Variants in PAPOLG observed in about 807,000 individuals in gnomAD.
PAPOLG encodes poly(A) polymerase gamma, also known as PAP-gamma.
A neutral mutation model predicts 99.0 loss-of-function variants in PAPOLG; 40 were observed. The observed-to-expected ratio is 0.40, with a 90% CI of 0.31 to 0.53. The LOEUF (loss-of-function observed/expected upper bound fraction) is 0.53. Among genes scored for constraint, PAPOLG ranks in the 20% least tolerant of loss-of-function variants. The pLI is 0.41. For missense variants in PAPOLG, 675 were observed against 884.1 expected, an observed-to-expected ratio of 0.76 and a Z score of 3.00; for synonymous variants, 310 against 299.3, an observed-to-expected ratio of 1.04 and a Z score of -0.37.
chr2:60,786,914 CATAAG>C, intron 13 of PAPOLG, 28 bp from the exon 14 acceptor site: 1 of 1,590,444 alleles, frequency 6.3e-7, no homozygotes, highest in Non-Finnish European at 8.5e-7. Flanking sequence ...TTAAAGTGGA[CATAAG>C]ATAAATTGTG....
chr2:60,770,503 G>A lies in PAPOLG; in HGVS notation c.484G>A (p.Gly162Ser), dbSNP rs1670818795. The A allele has an allele frequency of 6.4e-7, 1 of 1,572,696 alleles. No homozygotes were observed. The highest frequency in any genetic ancestry group is 8.7e-7 in the Non-Finnish European group (1 of 1,151,720). ...FVPVIKFEFDGIEIDLVFARL... is the reference protein window; with the variant it reads ...FVPVIKFEFDSIEIDLVFARL... ...ACCTGTTATAAAATTTGAATTTGATGGTATTGAAGTAAGTGTTTAATATTT... is the reference window on the plus strand; with the variant it reads ...ACCTGTTATAAAATTTGAATTTGATAGTATTGAAGTAAGTGTTTAATATTT... Residue 162 changes from glycine to serine, a missense_variant, in exon 6 of 22, where the codon GGT becomes AGT. By Grantham distance (56) the Gly-to-Ser change is moderately conservative (BLOSUM62 0). Transcript: ENST00000238714.
chr2:60,801,397 T>G lies in PAPOLG; in HGVS notation c.*4237T>G, dbSNP rs950438167. On this transcript the variant is annotated 3_prime_UTR_variant, in exon 22 of 22. Transcript: ENST00000238714. ...GAAAACCAGTCTCAATAATGGTTTT[T>G]TTTTTCCAATTGCATAAGGTCACGT... The G allele has an allele frequency of 1.3e-5, 2 of 152,198 alleles. No individual in the cohort carries two copies. Among genetic ancestry groups the G allele is most frequent in the African/African-American group, 4.8e-5 (2 of 41,446 alleles). 9.4% of individuals were successfully genotyped at this position (152,198 alleles called of 1,614,324 possible).
rs1226747223 is a variant in PAPOLG, at chr2:60,756,369, A to C, written c.-110A>C. The C allele has an allele frequency of 7.1e-7, 1 of 1,407,504 alleles. No individual in the cohort carries two copies. The highest frequency in any genetic ancestry group is 1.0e-6 in the Non-Finnish European group (1 of 993,908). The allele number at this position is 1,407,504 out of a possible 1,614,324, so 87.2% of individuals were successfully genotyped here. A position where few individuals can be genotyped will look rare whatever the true frequency, so the allele number is the denominator to read the frequency against. ...GCCATAGTAAGTGGGAAAGTGAGCG[A>C]GCAAGCGAGCTACTAGCGACCGGAG... On this transcript the variant is annotated 5_prime_UTR_variant, in exon 1 of 22. Coordinates refer to ENST00000238714, the MANE Select transcript of PAPOLG (RefSeq NM_022894.4).
chr2:60,794,862 T>A (rs140245324), intron 20 of PAPOLG, 87 bp downstream of exon 20: 2 of 1,552,558 alleles, frequency 1.3e-6, no homozygotes, highest in Non-Finnish European at 1.8e-6. Context: ...TAGGTCAGAT[T>A]AGATTTATTT....
At chr2:60,762,149 G>T (rs1030032746) in intron 3 of PAPOLG, among the ~76,000 whole-genome samples, 1 of 152,120 alleles carries the variant, frequency 6.6e-6, no homozygotes, top group African/African-American at 2.4e-5. Flanking sequence ...GCAGGAAGAG[G>T]CTTGAAGGGG....
At chr2:60,764,097 C>G (rs1236468050) in intron 3 of PAPOLG, among the ~76,000 whole-genome samples, 1 of 152,140 alleles carries the variant, frequency 6.6e-6, no homozygotes, top group African/African-American at 2.4e-5. Context: ...GCCACCATGC[C>G]CTGCCTCACA....
At chr2:60,760,110 C>A in intron 1 of PAPOLG, 24 bp from the exon 2 acceptor site, 2 of 1,605,086 alleles carry the variant, frequency 1.2e-6, no homozygotes, top group African/African-American at 1.3e-5. Context: ...TTTTTTGTTT[C>A]ATTTTTCTTA....
chr2:60,777,067 A>G (rs375666844), intron 8 of PAPOLG, among the ~76,000 whole-genome samples: 1 of 152,134 alleles, frequency 6.6e-6, no homozygotes, highest in Non-Finnish European at 1.5e-5. Context: ...CTCAGCCTTC[A>G]TATGATTGAA....
Position 60,757,386 on chromosome 2 carries a change from A to T in PAPOLG, c.17+891A>T, listed in dbSNP as rs545656262. 5.3e-5 allele frequency among the ~76,000 whole-genome samples: 8 copies of T among 152,302 alleles called. No individual in the cohort carries two copies. In the East Asian group the frequency reaches 1.5e-3, roughly 29 times the overall value. On this transcript the variant is annotated intron_variant, in intron 1 of 21. Coordinates refer to ENST00000238714, the MANE Select transcript of PAPOLG (RefSeq NM_022894.4). ...CTCCACAGTCTTGAATTTGATGTTT[A>T]TCGTTGCTGCCTGTTTTTTATTTTA...
chr2:60,756,827 G>T (rs1373295835), intron 1 of PAPOLG, among the ~76,000 whole-genome samples: 1 of 152,120 alleles, frequency 6.6e-6, no homozygotes, highest in Non-Finnish European at 1.5e-5. Flanking sequence ...GTCTGAGCCC[G>T]TCTGCTCCTG....
At position 60,770,486 on chromosome 2, in the gene PAPOLG, T is replaced by C. The variant is rs1447079563; in HGVS notation, c.467T>C (p.Ile156Thr). 12 of 1,595,506 alleles carry C rather than the reference T, an allele frequency of 7.5e-6. No homozygotes were observed. The highest frequency in any genetic ancestry group is 2.2e-5 in the East Asian group (1 of 44,454). Residue 156 changes from isoleucine (I) to threonine (T), a missense_variant, in exon 6 of 22, where the codon ATA becomes ACA. Physicochemically the swap from Ile to Thr is moderately conservative, Grantham distance 89. This residue lies in a region of PAPOLG where 149 missense variants were observed against 192.1 expected (regional missense o/e 0.78). Transcript: ENST00000238714. ...RAVEDAFVPV[I>T]KFEFDGIEID... ...GTAGAAGATGCCTTTGTACCTGTTA[T>C]AAAATTTGAATTTGATGGTATTGAA...
Position 60,757,472 on chromosome 2 carries a change from TACAC to T in PAPOLG, c.17+979_17+982del, listed in dbSNP as rs553596936. On this transcript the variant is annotated intron_variant, in intron 1 of 21. Coordinates refer to ENST00000238714, the MANE Select transcript of PAPOLG (RefSeq NM_022894.4). Reference sequence around the variant, plus strand: ...CATGTTTTTTAATGCTATTACTACATACACATGTGTTCATAATAACTGGCATAGT... The same window carrying T: ...CATGTTTTTTAATGCTATTACTACATATGTGTTCATAATAACTGGCATAGT... Among the ~76,000 whole-genome samples the T allele has an allele frequency of 2.6e-3, 394 of 152,308 alleles. 3 individuals carry two copies. The highest frequency in any genetic ancestry group is 9.1e-3 in the African/African-American group (378 of 41,568).
chr2:60,796,628 A>T (rs1224873273), intron 21 of PAPOLG, among the ~76,000 whole-genome samples: 1 of 152,154 alleles, frequency 6.6e-6, no homozygotes, highest in East Asian at 1.9e-4. Flanking sequence ...AAATTGAGGG[A>T]CATAACTCTC....
At chr2:60,769,405 CATT>C (rs2103774802) in intron 5 of PAPOLG, among the ~76,000 whole-genome samples, 1 of 152,208 alleles carries the variant, frequency 6.6e-6, no homozygotes, top group African/African-American at 2.4e-5. Flanking sequence ...GTAAACAAGA[CATT>C]GTTTATTGAG....
chr2:60,783,723 A>C (rs113875071), intron 13 of PAPOLG, among the ~76,000 whole-genome samples: 1,543 of 151,954 alleles, frequency 0.01, 45 homozygotes, highest in African/African-American at 0.035. Context: ...CATGTTGGCC[A>C]GGCTGGTCTC....
chr2:60,767,647 G>C (rs1311078788), intron 3 of PAPOLG, among the ~76,000 whole-genome samples: 1 of 152,166 alleles, frequency 6.6e-6, no homozygotes, highest in African/African-American at 2.4e-5. Flanking sequence ...AATTAAGCTT[G>C]TTAGAATAGC....
chr2:60,775,888 C>A (rs1671001576), intron 8 of PAPOLG, among the ~76,000 whole-genome samples: 1 of 151,996 alleles, frequency 6.6e-6, no homozygotes, highest in Non-Finnish European at 1.5e-5. Context: ...CTCAGCCTAC[C>A]AAGTAGCTGG....
intron 7 of PAPOLG, 137 bp downstream of exon 7, chr2:60,771,767 AC>A: frequency 1.1e-6 from 1 of 907,812 alleles, no homozygotes; most frequent in Non-Finnish European, 1.6e-6. Flanking sequence ...AGATAATGTG[AC>A]CACATTTAAG....
intron 1 of PAPOLG, among the ~76,000 whole-genome samples, chr2:60,758,479 G>A (rs1670423007): frequency 1.4e-5 from 2 of 144,820 alleles, no homozygotes; most frequent in Admixed American, 1.4e-4. Flanking sequence ...CCAGGCTGGA[G>A]TGTGGTGGCG....
Sources: gnomAD v4.1 joint callset for allele counts (sites outside exome capture counted in the v4.1 genomes callset) on GRCh38, gnomAD v4.1.1 for gene constraint, gnomAD v4.1.1 regional missense constraint, MANE v1.5 for transcripts, NCBI Gene and HGNC (gene_info 2026-07-23, HGNC 2026-07-21) for gene names.